The following FUCA1 variants were observed in gnomAD, a reference collection of about 807,000 sequenced individuals.
FUCA1 encodes tissue alpha-L-fucosidase.
FUCA1 carries 52 observed loss-of-function variants against 56.8 expected under a neutral mutation model. The ratio of observed to expected loss-of-function variants is 0.92; its 90% CI spans 0.73 to 1.15. The LOEUF (loss-of-function observed/expected upper bound fraction) is 1.15. Ranked by LOEUF, FUCA1 falls within the 50% of genes most tolerant of loss-of-function variation. The probability of loss-of-function intolerance (pLI) is 0.00; values close to 1 mark genes in which losing one functional copy is unlikely to be tolerated. For synonymous variants in FUCA1, 230 were observed against 226.6 expected, an observed-to-expected ratio of 1.02 and a Z score of -0.14; for missense variants, 568 against 592.6, an observed-to-expected ratio of 0.96 and a Z score of 0.43.
chr1:23,863,981 C>T (rs1639566378), intron 2 of FUCA1, among the ~76,000 whole-genome samples: 1 of 151,848 alleles, frequency 6.6e-6, no homozygotes, highest in Non-Finnish European at 1.5e-5. Flanking sequence ...GCAAAGTACT[C>T]TTACTCAGAA....
rs766745454 is a variant in FUCA1 at position 23,865,488 on chromosome 1, C to A, written c.524+3G>T. ...AACAGAGTAACCATCCCTGGACACT[C>A]ACCTCTTCCGGAGAGCTGTTCCCAA... is the stretch of plus-strand genomic sequence containing the variant. On this transcript the variant is annotated splice_donor_region_variant and intron_variant, in intron 2 of 7. Coordinates refer to ENST00000374479, the MANE Select transcript of FUCA1 (RefSeq NM_000147.5). 1.9e-6 allele frequency: 3 copies of A among 1,614,234 alleles called. No individual in the cohort carries two copies. In the South Asian group the frequency reaches 3.3e-5, roughly 18 times the overall value.
intron 4 of FUCA1, among the ~76,000 whole-genome samples, chr1:23,854,942 A>G (rs1408110910): frequency 2.0e-5 from 3 of 152,180 alleles, no homozygotes; most frequent in South Asian, 2.1e-4. Context: ...CACTTTTTCT[A>G]TAAGAGGAGA....
intron 2 of FUCA1, among the ~76,000 whole-genome samples, chr1:23,864,228 A>G (rs1007965810): frequency 1.3e-5 from 2 of 151,750 alleles, no homozygotes; most frequent in Non-Finnish European, 2.9e-5. Flanking sequence ...CTGAGACTAC[A>G]GGTGCCCACC....
rs886046326 is a variant in FUCA1 at position 23,868,257 on chromosome 1, C to G, written c.30G>C (p.Pro10=). ...GCAGCAGCAACAGCGCGGGACCCGC[C>G]GGCCGCGACCTCATCCCCGGAGCCC... is the stretch of plus-strand genomic sequence containing the variant. The part of the protein sequence containing the change: MRAPGMRSR[P]AGPALLLLLL... The change falls in exon 1 of 8, where the codon CCG becomes CCC. Residue 10 remains proline (P), a synonymous_variant. Transcript: ENST00000374479. 2 of 1,558,002 alleles carry G rather than the reference C, an allele frequency of 1.3e-6. No homozygotes were observed. The highest frequency in any genetic ancestry group is 1.4e-5 in the African/African-American group (1 of 73,646).
chr1:23,851,424 ACAT>A (rs1258154960), intron 5 of FUCA1, among the ~76,000 whole-genome samples: 2 of 151,986 alleles, frequency 1.3e-5, no homozygotes, highest in South Asian at 2.1e-4. Context: ...ATACATACAT[ACAT>A]ACAAATAATC....
chr1:23,864,697 G>A (rs879155703), intron 2 of FUCA1, among the ~76,000 whole-genome samples: 1 of 149,552 alleles, frequency 6.7e-6, no homozygotes, highest in Non-Finnish European at 1.5e-5. Flanking sequence ...AACTCTTTTT[G>A]TCTTTTTTCT....
At chr1:23,847,935 T>A (rs1018858053) in intron 6 of FUCA1, among the ~76,000 whole-genome samples, 1 of 152,084 alleles carries the variant, frequency 6.6e-6, no homozygotes, top group African/African-American at 2.4e-5. Context: ...GGCAGGAGAA[T>A]TGCTTGAACC....
chr1:23,848,599 C>A (rs777376594), intron 6 of FUCA1, 50 bp downstream of exon 6: 3 of 1,573,190 alleles, frequency 1.9e-6, no homozygotes, highest in Non-Finnish European at 1.7e-6. Flanking sequence ...GATACCAGTT[C>A]CGGATGGGGC....
At position 23,867,077 on chromosome 1, in the gene FUCA1, C is replaced by G. The variant is rs1157244172; in HGVS notation, c.389+821G>C. ...AAGCCAGGGGCTGGGGAAACCTCCC[C>G]GCCTCCATTTTTACTCTTCTCCAAC... On this transcript the variant is annotated intron_variant, in intron 1 of 7. Coordinates refer to ENST00000374479, the MANE Select transcript of FUCA1 (RefSeq NM_000147.5). The surrounding 1 kb of genome is among the most constrained non-coding windows in gnomAD (Gnocchi z 4.9). Among the ~76,000 whole-genome samples the G allele has an allele frequency of 6.6e-6, 1 of 152,128 alleles. No individual in the cohort carries two copies. The highest frequency in any genetic ancestry group is 1.5e-5 in the Non-Finnish European group (1 of 68,014).
chr1:23,859,920 C>G lies in FUCA1; in HGVS notation c.663-17G>C. On this transcript the variant is annotated splice_polypyrimidine_tract_variant and intron_variant, in intron 3 of 7. Coordinates refer to ENST00000374479, the MANE Select transcript of FUCA1 (RefSeq NM_000147.5). ...GGTTTATAGCTGGAAGACATGTGATCAGGACAGAGCTTATTATCTGAACAT... is the reference window on the plus strand; with the variant it reads ...GGTTTATAGCTGGAAGACATGTGATGAGGACAGAGCTTATTATCTGAACAT... 6.7e-7 allele frequency: 1 copy of G among 1,486,710 alleles called. No individual in the cohort carries two copies. Among genetic ancestry groups the G allele is most frequent in the Non-Finnish European group, 9.4e-7 (1 of 1,064,186 alleles). The allele number at this position is 1,486,710 out of a possible 1,614,324, so 92.1% of individuals were successfully genotyped here.
At chr1:23,865,681 T>G in intron 1 of FUCA1, 56 bp from the exon 2 acceptor site, 2 of 1,603,862 alleles carry the variant, frequency 1.2e-6, no homozygotes, top group Non-Finnish European at 1.7e-6. Flanking sequence ...TTGCATGAAC[T>G]TGCCCAGCAT....
At chr1:23,853,359 G>A (rs1324534748) in intron 5 of FUCA1, among the ~76,000 whole-genome samples, 3 of 150,528 alleles carry the variant, frequency 2.0e-5, no homozygotes, top group East Asian at 3.9e-4. Context: ...GTCAGCCCCC[G>A]CCCGGCCAGC....
rs746305462 is a variant in FUCA1, at chr1:23,845,688, C to T, written c.*27G>A. On this transcript the variant is annotated 3_prime_UTR_variant, in exon 8 of 8. Coordinates refer to ENST00000374479, the MANE Select transcript of FUCA1 (RefSeq NM_000147.5). ...ACTGAAGCAGGAAAACAGTGAGCAGCGCCTCTTTCTTCTTGCACTCAAATG... is the reference window on the plus strand; with the variant it reads ...ACTGAAGCAGGAAAACAGTGAGCAGTGCCTCTTTCTTCTTGCACTCAAATG... 11 of 1,613,942 alleles carry T rather than the reference C, an allele frequency of 6.8e-6. No homozygotes were observed. Among genetic ancestry groups the T allele is most frequent in the South Asian group, 1.1e-5 (1 of 91,082 alleles).
rs1639545600 is a variant in FUCA1 at position 23,863,207 on chromosome 1, T to C, written c.589A>G (p.Lys197Glu). 6.2e-6 allele frequency: 10 copies of C among 1,613,996 alleles called. No individual in the cohort carries two copies. Among genetic ancestry groups the C allele is most frequent in the Non-Finnish European group, 8.5e-6 (10 of 1,179,998 alleles). ...TGCTGTGTTTTGAAGCCATTTTTCTTATCAAGTAGATAGAGTGGATGGAAC... is the reference window on the plus strand; with the variant it reads ...TGCTGTGTTTTGAAGCCATTTTTCTCATCAAGTAGATAGAGTGGATGGAAC... Reference protein sequence around the residue: ...EWFHPLYLLDKKNGFKTQHFV... With the variant: ...EWFHPLYLLDEKNGFKTQHFV... Residue 197 changes from lysine (K) to glutamate (E), a missense_variant, in exon 3 of 8, where the codon AAG becomes GAG. Physicochemically the swap from Lys to Glu is moderately conservative, Grantham distance 56. Coordinates refer to ENST00000374479, the MANE Select transcript of FUCA1 (RefSeq NM_000147.5).
intron 3 of FUCA1, among the ~76,000 whole-genome samples, chr1:23,860,149 G>C (rs966135133): frequency 1.5e-4 from 23 of 152,138 alleles, no homozygotes; most frequent in Admixed American, 4.6e-4. Context: ...CTTGTGGACT[G>C]ATTTTTGCAA....
intron 5 of FUCA1, among the ~76,000 whole-genome samples, chr1:23,853,200 C>T (rs148780067): frequency 0.26 from 39,310 of 149,120 alleles, 5,527 homozygotes; most frequent in Non-Finnish European, 0.33. Flanking sequence ...CGTCTCTGCC[C>T]AGCCGCCCCA....
chr1:23,852,933 G>T (rs372179755), intron 5 of FUCA1, among the ~76,000 whole-genome samples: 39,420 of 149,640 alleles, frequency 0.26, 5,589 homozygotes, highest in Non-Finnish European at 0.33. Flanking sequence ...CTGCCTGGCC[G>T]CCCATCGTCT....
At position 23,848,715 on chromosome 1, in the gene FUCA1, T is replaced by C. The variant is rs752480853; in HGVS notation, c.1094A>G (p.Asn365Ser). 78 of 1,614,058 alleles carry C rather than the reference T, an allele frequency of 4.8e-5. 1 individual carries two copies. The South Asian group carries it at 6.7e-4, about 14-fold the overall frequency. Residue 365 changes from asparagine to serine, a missense_variant, in exon 6 of 8, where the codon AAT becomes AGT. Physicochemically the swap from Asn to Ser is conservative, Grantham distance 46. Coordinates refer to ENST00000374479, the MANE Select transcript of FUCA1 (RefSeq NM_000147.5). The part of the protein sequence containing the change: ...LLAVGKWLSI[N>S]GEAIYASKPW... ...TTTGGAGGCATAGATAGCCTCCCCA[T>C]TGATGCTCAGCCATTTCCCAACAGC...
rs369173757 is a variant in FUCA1, at chr1:23,845,861, G to C, written c.1261-6C>G. 4 of 1,613,970 alleles carry C rather than the reference G, an allele frequency of 2.5e-6. No individual in the cohort carries two copies. In the African/African-American group the frequency reaches 5.3e-5, roughly 22 times the overall value. On this transcript the variant is annotated splice_polypyrimidine_tract_variant and splice_region_variant and intron_variant, in intron 7 of 7. Coordinates refer to ENST00000374479, the MANE Select transcript of FUCA1 (RefSeq NM_000147.5). ...TGAATTCCCAGCATTGTTATCTGCA[G>C]AAAACAAAAGGGAATGAAACAAACT...
Sources: allele counts gnomAD v4.1 joint callset (sites outside exome capture counted in the v4.1 genomes callset), GRCh38; gene constraint gnomAD v4.1.1; non-coding constraint Gnocchi (gnomAD v3.1); transcripts MANE v1.5; gene names NCBI Gene and HGNC (gene_info 2026-07-23, HGNC 2026-07-21).